The following XKR4 variants were observed in gnomAD, a reference collection of about 807,000 sequenced individuals.
The protein encoded by XKR4 is XK related 4, also known as XK-related protein 4.
Under a neutral mutation model 53.9 loss-of-function variants are expected in XKR4, and 12 were observed. The observed-to-expected ratio is 0.22, with a 90% CI of 0.14 to 0.36. The LOEUF is 0.36. Among genes scored for constraint, XKR4 ranks in the 10% least tolerant of loss-of-function variants. The pLI, the probability that XKR4 is intolerant of heterozygous loss-of-function variation, is 1.00. For synonymous variants in XKR4, 354 were observed against 362.4 expected (o/e 0.98, Z 0.26); for missense variants, 799 against 859.5 (o/e 0.93, Z 0.88).
chr8:55,105,330 C>G (rs1021722690), intron 1 of XKR4, among the ~76,000 whole-genome samples: 6 of 118,866 alleles, frequency 5.0e-5, no homozygotes, highest in Admixed American at 4.9e-4. Context: ...ACTTATCATA[C>G]AGAAAAGTTA....
Position 55,293,732 on chromosome 8 carries a change from G to T in XKR4, c.807-63946G>T, listed in dbSNP as rs72651894. Among the ~76,000 whole-genome samples the T allele has an allele frequency of 5.6e-3, 856 of 151,950 alleles. 7 individuals carry two copies. Among genetic ancestry groups the T allele is most frequent in the African/African-American group, 0.02 (820 of 41,454 alleles). Reference sequence around the variant, plus strand: ...ATTTTCCTAAAGAAAATGTTTATACGCTAATTTTGTTTCTTTGCATAGATG... The same window carrying T: ...ATTTTCCTAAAGAAAATGTTTATACTCTAATTTTGTTTCTTTGCATAGATG... On this transcript the variant is annotated intron_variant, in intron 1 of 2. Transcript: ENST00000327381.
chr8:55,297,879 A>G (rs1819122645), intron 1 of XKR4, among the ~76,000 whole-genome samples: 1 of 152,224 alleles, frequency 6.6e-6, no homozygotes, highest in Non-Finnish European at 1.5e-5. Flanking sequence ...TAACCAACTT[A>G]CACATATTTA....
In XKR4 at chr8:55,535,482, T is replaced by C. The variant is rs1807019853; in HGVS notation, c.*11255T>C. ...AAAACTAACAAGTTAAAGAAAATGTTCATTTTCTGAACCCCAGAGCCCACA... is the reference window on the plus strand; with the variant it reads ...AAAACTAACAAGTTAAAGAAAATGTCCATTTTCTGAACCCCAGAGCCCACA... On this transcript the variant is annotated 3_prime_UTR_variant, in exon 3 of 3. Transcript: ENST00000327381. 6.6e-6 allele frequency: 1 copy of C among 151,204 alleles called. No homozygotes were observed. The highest frequency in any genetic ancestry group is 6.6e-5 in the Admixed American group (1 of 15,120). 9.4% of individuals were successfully genotyped at this position (151,204 alleles called of 1,614,324 possible).
chr8:55,267,164 A>G (rs1215149370), intron 1 of XKR4, among the ~76,000 whole-genome samples: 2 of 152,154 alleles, frequency 1.3e-5, no homozygotes, highest in African/African-American at 4.8e-5. Context: ...CAGAAAATCA[A>G]TGGAGCTAAT....
At chr8:55,375,113 G>T (rs1238701947) in intron 2 of XKR4, among the ~76,000 whole-genome samples, 2 of 152,216 alleles carry the variant, frequency 1.3e-5, no homozygotes, top group Non-Finnish European at 2.9e-5. Context: ...CATTGCCAGT[G>T]ATCTTTGCTG....
At chr8:55,406,227 T>C (rs1327646276) in intron 2 of XKR4, among the ~76,000 whole-genome samples, 1 of 152,242 alleles carries the variant, frequency 6.6e-6, no homozygotes, top group Non-Finnish European at 1.5e-5. Context: ...TTGATCTATA[T>C]GGTGCAGTTA....
At chr8:55,106,288 G>A (rs1019138310) in intron 1 of XKR4, among the ~76,000 whole-genome samples, 1 of 152,110 alleles carries the variant, frequency 6.6e-6, no homozygotes, top group Admixed American at 6.5e-5. Flanking sequence ...GGTAAGATTT[G>A]CATGTATTTA....
chr8:55,421,523 G>A (rs1416309476), intron 2 of XKR4, among the ~76,000 whole-genome samples: 1 of 151,992 alleles, frequency 6.6e-6, no homozygotes, highest in East Asian at 1.9e-4. Flanking sequence ...TCGCACCTTG[G>A]CATCTCTCTC....
chr8:55,438,075 A>T (rs1244380914), intron 2 of XKR4, among the ~76,000 whole-genome samples: 1 of 152,212 alleles, frequency 6.6e-6, no homozygotes, highest in Non-Finnish European at 1.5e-5. Flanking sequence ...TAACAGCCAG[A>T]GTTCCTGTAA....
intron 2 of XKR4, among the ~76,000 whole-genome samples, chr8:55,444,931 G>T (rs950601778): frequency 2.0e-5 from 3 of 152,062 alleles, no homozygotes; most frequent in Non-Finnish European, 4.4e-5. Context: ...AAACAACCTA[G>T]ATGTCCATTG....
chr8:55,458,946 G>A (rs1443945968), intron 2 of XKR4, among the ~76,000 whole-genome samples: 2 of 152,138 alleles, frequency 1.3e-5, no homozygotes, highest in Admixed American at 6.6e-5. Flanking sequence ...CAGGCTTGAG[G>A]GGGAGACCTC....
At chr8:55,327,733 C>A (rs79737011) in intron 1 of XKR4, among the ~76,000 whole-genome samples, 5,029 of 152,118 alleles carry the variant, frequency 0.033, 123 homozygotes, top group Middle Eastern at 0.061. Context: ...CATAAAGAAC[C>A]ATATTTGACA....
chr8:55,198,059 G>C (rs1817528601), intron 1 of XKR4, among the ~76,000 whole-genome samples: 1 of 152,208 alleles, frequency 6.6e-6, no homozygotes, highest in Non-Finnish European at 1.5e-5. Flanking sequence ...GGCAATGTCA[G>C]GCCCTGATGC....
chr8:55,414,536 T>G (rs1048817254), intron 2 of XKR4, among the ~76,000 whole-genome samples: 1 of 149,420 alleles, frequency 6.7e-6, no homozygotes, highest in Non-Finnish European at 1.5e-5. Flanking sequence ...CTATGTAGAT[T>G]ATATATAGAG....
chr8:55,139,806 T>C (rs909897103), intron 1 of XKR4, among the ~76,000 whole-genome samples: 2 of 152,148 alleles, frequency 1.3e-5, no homozygotes, highest in African/African-American at 4.8e-5. Flanking sequence ...CACCAGCAGA[T>C]GTATTTAAAG....
At chr8:55,226,999 T>C (rs1473600079) in intron 1 of XKR4, among the ~76,000 whole-genome samples, 1 of 152,174 alleles carries the variant, frequency 6.6e-6, no homozygotes, top group Non-Finnish European at 1.5e-5. Context: ...CACTCTTACT[T>C]ACCTGTGTAC....
At chr8:55,279,974 T>C (rs533273577) in intron 1 of XKR4, among the ~76,000 whole-genome samples, 77 of 152,222 alleles carry the variant, frequency 5.1e-4, no homozygotes, top group Non-Finnish European at 9.7e-4. Flanking sequence ...TACATTGTTC[T>C]CGAAGAGATA....
At chr8:55,314,126 C>T (rs1276203308) in intron 1 of XKR4, among the ~76,000 whole-genome samples, 1 of 152,184 alleles carries the variant, frequency 6.6e-6, no homozygotes, top group East Asian at 1.9e-4. Context: ...AAATTCCATC[C>T]TTTGGTTAAA....
At chr8:55,326,434 A>G (rs1488411165) in intron 1 of XKR4, among the ~76,000 whole-genome samples, 1 of 149,868 alleles carries the variant, frequency 6.7e-6, no homozygotes, top group Non-Finnish European at 1.5e-5. Context: ...TGTAAGATAT[A>G]CTACACAATA....
Sources: gnomAD v4.1 joint callset for allele counts (sites outside exome capture counted in the v4.1 genomes callset) on GRCh38, gnomAD v4.1.1 for gene constraint, MANE v1.5 for transcripts, NCBI Gene and HGNC (gene_info 2026-07-23, HGNC 2026-07-21) for gene names.